The following RNF13 variants were observed in gnomAD, a reference collection of about 807,000 sequenced individuals.
The protein encoded by RNF13 is E3 ubiquitin-protein ligase RNF13.
RNF13 carries 19 observed loss-of-function variants against 37.7 expected under a neutral mutation model. The observed-to-expected ratio is 0.50, with a 90% CI of 0.35 to 0.74. RNF13 has a LOEUF of 0.74. Among genes scored for constraint, RNF13 ranks in the 30% least tolerant of loss-of-function variants. RNF13 has a pLI of 0.01. For synonymous variants in RNF13, 144 were observed against 157.8 expected (o/e 0.91, Z 0.65); for missense variants, 375 against 453.0 (o/e 0.83, Z 1.56).
intron 6 of RNF13, among the ~76,000 whole-genome samples, chr3:149,911,677 A>AAAAT (rs981236683): frequency 2.6e-5 from 4 of 151,972 alleles, no homozygotes; most frequent in African/African-American, 7.2e-5. Flanking sequence ...AAAGTAAAAT[A>AAAAT]AAATAAATAA....
chr3:149,960,388 G>A (rs1576611630), intron 9 of RNF13, among the ~76,000 whole-genome samples: 1 of 152,094 alleles, frequency 6.6e-6, no homozygotes, highest in East Asian at 1.9e-4. Flanking sequence ...TCAGGAGATC[G>A]AGACCATCCT....
intron 1 of RNF13, among the ~76,000 whole-genome samples, chr3:149,827,448 A>AT (rs912947005): frequency 4.2e-4 from 63 of 150,354 alleles, no homozygotes; most frequent in African/African-American, 1.2e-3. Context: ...ACGGTCTTAA[A>AT]TTTTTTTTTT....
At chr3:149,932,298 A>T (rs1719235498) in intron 8 of RNF13, among the ~76,000 whole-genome samples, 1 of 151,958 alleles carries the variant, frequency 6.6e-6, no homozygotes, top group South Asian at 2.1e-4. Flanking sequence ...TTATATTCCC[A>T]CCAGCAGTGT....
At chr3:149,934,485 G>A (rs1719484036) in intron 8 of RNF13, among the ~76,000 whole-genome samples, 1 of 151,958 alleles carries the variant, frequency 6.6e-6, no homozygotes, top group Admixed American at 6.5e-5. Context: ...TTATTGCTAT[G>A]AACTTCCTAC....
intron 1 of RNF13, chr3:149,814,274 A>G (rs1052605698): frequency 6.6e-6 from 1 of 152,198 alleles, no homozygotes; most frequent in African/African-American, 2.4e-5. Context: ...ATAAATAAGT[A>G]AGGTGGCTGT....
chr3:149,863,586 G>T (rs1724503101), intron 3 of RNF13, among the ~76,000 whole-genome samples: 1 of 152,018 alleles, frequency 6.6e-6, no homozygotes, highest in Admixed American at 6.6e-5. Context: ...CACCATATTG[G>T]CTAGGCTGGT....
At chr3:149,953,991 AAAG>A (rs930393168) in intron 8 of RNF13, among the ~76,000 whole-genome samples, 2 of 152,214 alleles carry the variant, frequency 1.3e-5, no homozygotes, top group African/African-American at 2.4e-5. Context: ...TTATGATTAA[AAAG>A]AAGACTGCCA....
chr3:149,923,084 C>T (rs532332599), intron 8 of RNF13, among the ~76,000 whole-genome samples: 1 of 151,836 alleles, frequency 6.6e-6, no homozygotes, highest in East Asian at 1.9e-4. Context: ...CTGCCATTTA[C>T]CATTAACATT....
chr3:149,874,455 G>A (rs926396420), intron 4 of RNF13, among the ~76,000 whole-genome samples: 14 of 152,080 alleles, frequency 9.2e-5, no homozygotes, highest in Non-Finnish European at 1.5e-4. Flanking sequence ...TATATGATAG[G>A]ATTGTTGGGA....
chr3:149,919,473 A>G (rs1244402104), intron 7 of RNF13, among the ~76,000 whole-genome samples: 1 of 152,134 alleles, frequency 6.6e-6, no homozygotes, highest in South Asian at 2.1e-4. Flanking sequence ...TGCATTTTCT[A>G]CAGCTTTATA....
intron 3 of RNF13, among the ~76,000 whole-genome samples, chr3:149,862,232 G>T (rs931682277): frequency 6.6e-6 from 1 of 151,898 alleles, no homozygotes; most frequent in African/African-American, 2.4e-5. Flanking sequence ...CATTTAGATT[G>T]CTTTCACTTT....
At chr3:149,938,366 A>T (rs1242244073) in intron 8 of RNF13, among the ~76,000 whole-genome samples, 1 of 151,478 alleles carries the variant, frequency 6.6e-6, no homozygotes, top group East Asian at 1.9e-4. Flanking sequence ...TTTAGTAGAG[A>T]TGGGGTTTCA....
chr3:149,823,530 A>G (rs1275048892), intron 1 of RNF13, among the ~76,000 whole-genome samples: 3 of 152,190 alleles, frequency 2.0e-5, no homozygotes, highest in Non-Finnish European at 4.4e-5. Flanking sequence ...ATGTCAAGGA[A>G]TCTATCCCAA....
intron 1 of RNF13, among the ~76,000 whole-genome samples, chr3:149,840,173 G>A (rs1249865878): frequency 3.9e-5 from 6 of 152,200 alleles, no homozygotes; most frequent in Non-Finnish European, 7.3e-5. Flanking sequence ...AAAATCTTTA[G>A]AGTGACGAAG....
In RNF13 at chr3:149,909,102, G is replaced by A. The variant is rs16862296; in HGVS notation, c.501-2876G>A. Among the ~76,000 whole-genome samples, 1,407 of 152,232 alleles carry A rather than the reference G, an allele frequency of 9.2e-3. 18 individuals carry two copies. Among genetic ancestry groups the A allele is most frequent in the African/African-American group, 0.032 (1,333 of 41,522 alleles). ...GGATGAATCTGCAAGTTCAGCTGTGGGAGACCTGGGCTGACAGAAGAAATA... is the reference window on the plus strand; with the variant it reads ...GGATGAATCTGCAAGTTCAGCTGTGAGAGACCTGGGCTGACAGAAGAAATA... On this transcript the variant is annotated intron_variant, in intron 6 of 9. Coordinates refer to ENST00000392894, the MANE Select transcript of RNF13 (RefSeq NM_183381.3).
Position 149,887,059 on chromosome 3 carries a change from G to A in RNF13, c.322-8414G>A, listed in dbSNP as rs565892350. Reference sequence around the variant, plus strand: ...TTCAGTACTTTTAAAGTTATCCAGGGACGTTGAAGAGGACAGGAGAAACAG... The same window carrying A: ...TTCAGTACTTTTAAAGTTATCCAGGAACGTTGAAGAGGACAGGAGAAACAG... On this transcript the variant is annotated intron_variant, in intron 4 of 9. Coordinates refer to ENST00000392894, the MANE Select transcript of RNF13 (RefSeq NM_183381.3). 7.9e-5 allele frequency among the ~76,000 whole-genome samples: 12 copies of A among 152,154 alleles called. No homozygotes were observed. The South Asian group carries it at 1.7e-3, about 21-fold the overall frequency.
At chr3:149,847,525 A>C (rs561499171) in intron 2 of RNF13, among the ~76,000 whole-genome samples, 1 of 152,104 alleles carries the variant, frequency 6.6e-6, no homozygotes, top group Non-Finnish European at 1.5e-5. Flanking sequence ...TTTTGAAGGC[A>C]GAGGATGCTA....
chr3:149,918,742 TAGTCTCAAACTCCTGGGCTC>T (rs1394078808), intron 7 of RNF13, among the ~76,000 whole-genome samples: 2 of 150,370 alleles, frequency 1.3e-5, no homozygotes, highest in Non-Finnish European at 3.0e-5. Context: ...TTGCTTAGGC[TAGTCTCAAACTCCTGGGCTC>T]AAGCAGTCCT....
intron 6 of RNF13, among the ~76,000 whole-genome samples, chr3:149,909,364 T>C (rs1293241713): frequency 6.7e-6 from 1 of 148,646 alleles, no homozygotes; most frequent in Non-Finnish European, 1.5e-5. Flanking sequence ...AACCTCCGCC[T>C]CCCGGGTTCA....
Sources: allele counts gnomAD v4.1 joint callset (sites outside exome capture counted in the v4.1 genomes callset), GRCh38; gene constraint gnomAD v4.1.1; transcripts MANE v1.5; gene names NCBI Gene and HGNC (gene_info 2026-07-23, HGNC 2026-07-21).